SRGAP2: variants seen among roughly 807,000 people sequenced by gnomAD.
The protein encoded by SRGAP2 is SLIT-ROBO Rho GTPase activating protein 2.
Under a neutral mutation model 57.2 loss-of-function variants are expected in SRGAP2, and 15 were observed. The ratio of observed to expected loss-of-function variants is 0.26; its 90% confidence interval spans 0.18 to 0.40. The LOEUF (loss-of-function observed/expected upper bound fraction) is 0.40, where lower values mean the gene tolerates loss of function less well. SRGAP2 is among the 10% of genes least tolerant of loss of function. The pLI, the probability that SRGAP2 is intolerant of heterozygous loss-of-function variation, is 1.00. For synonymous variants in SRGAP2, 249 were observed against 248.0 expected, an observed-to-expected ratio of 1.00 and a Z score of -0.04; for missense variants, 520 against 669.6, an observed-to-expected ratio of 0.78 and a Z score of 2.47.
At chr1:206,372,939 CTTTCTTTCTTTCTTTCTTTTCTTTCCTTT>C (rs1654705389) in intron 4 of SRGAP2, among the ~76,000 whole-genome samples, 1 of 8,252 alleles carries the variant, frequency 1.2e-4, no homozygotes, top group African/African-American at 1.4e-3. Context: ...TTCTTTCTTT[CTTTCTTTCTTTCTTTCTTTTCTTTCCTTT>C]CTTTCTTTCT....
intron 3 of SRGAP2, among the ~76,000 whole-genome samples, chr1:206,309,464 C>CA (rs199561904): frequency 0.056 from 4,129 of 74,254 alleles, 94 homozygotes; most frequent in African/African-American, 0.12. Flanking sequence ...AAAGTAAGAG[C>CA]AAAAAAAAAA....
At chr1:206,383,236 G>A (rs1374655706) in intron 4 of SRGAP2, among the ~76,000 whole-genome samples, 1 of 149,832 alleles carries the variant, frequency 6.7e-6, no homozygotes, top group African/African-American at 2.5e-5. Context: ...TGTTGGCCAT[G>A]CTGGTCTCGA....
At chr1:206,287,273 T>G (rs1671077828) in intron 2 of SRGAP2, among the ~76,000 whole-genome samples, 1 of 151,424 alleles carries the variant, frequency 6.6e-6, no homozygotes, top group South Asian at 2.1e-4. Context: ...CATGTTAAGT[T>G]CTAGGTACCT....
At position 206,421,164 on chromosome 1, in the gene SRGAP2, G is replaced by A. The variant is rs1660268378; in HGVS notation, c.1470-86G>A. 1.6e-5 allele frequency: 11 copies of A among 700,748 alleles called. No individual in the cohort carries two copies. The Middle Eastern group carries it at 7.2e-4, about 46-fold the overall frequency. 43.4% of individuals were successfully genotyped at this position (700,748 alleles called of 1,614,324 possible). On this transcript the variant is annotated intron_variant, in intron 12 of 22. Coordinates refer to ENST00000573034, the MANE Select transcript of SRGAP2 (RefSeq NM_015326.5). ...AAACTTTACTTCTGGGTTTAAGAGT[G>A]ATTGTTTATCTCATTCGTCCCAATT...
chr1:206,227,247 A>T (rs1226638204), intron 2 of SRGAP2, among the ~76,000 whole-genome samples: 2 of 151,986 alleles, frequency 1.3e-5, no homozygotes, highest in Non-Finnish European at 2.9e-5. Flanking sequence ...TCTAGCATCT[A>T]GCAGAGTGCT....
intron 2 of SRGAP2, among the ~76,000 whole-genome samples, chr1:206,208,527 CTT>C (rs1553301751): frequency 6.6e-6 from 1 of 152,088 alleles, no homozygotes; most frequent in African/African-American, 2.4e-5. Flanking sequence ...TTATTGAGTG[CTT>C]GCTGTGTGTT....
chr1:206,258,105 G>A (rs530486688), intron 2 of SRGAP2, among the ~76,000 whole-genome samples: 169 of 151,934 alleles, frequency 1.1e-3, no homozygotes, highest in African/African-American at 4.0e-3. Context: ...TCTAAGCCAT[G>A]GGAAGGAATC....
In SRGAP2 at chr1:206,355,839, T is replaced by C. The variant is rs1676389729; in HGVS notation, c.423+12831T>C. On this transcript the variant is annotated intron_variant, in intron 4 of 22. Coordinates refer to ENST00000573034, the MANE Select transcript of SRGAP2 (RefSeq NM_015326.5). Reference sequence around the variant, plus strand: ...GAAATTAGCCAGGCATCGTGGTGTATTCCTGTAATCTCAGCTACTCAGGAG... The same window carrying C: ...GAAATTAGCCAGGCATCGTGGTGTACTCCTGTAATCTCAGCTACTCAGGAG... Among the ~76,000 whole-genome samples the C allele has an allele frequency of 1.3e-5, 2 of 152,088 alleles. 1 individual carries two copies. The highest frequency in any genetic ancestry group is 4.2e-4 in the South Asian group (2 of 4,816).
At chr1:206,268,382 C>T (rs1292108720) in intron 2 of SRGAP2, among the ~76,000 whole-genome samples, 14 of 149,614 alleles carry the variant, frequency 9.4e-5, no homozygotes, top group Admixed American at 6.7e-5. Context: ...ATGATGGTTT[C>T]ATCCATGTCC....
In SRGAP2 at chr1:206,454,849, T is replaced by TCCCTGCC. The variant is rs1553377760; in HGVS notation, c.2361-28_2361-22dup. On this transcript the variant is annotated intron_variant, in intron 20 of 22. Coordinates refer to ENST00000573034, the MANE Select transcript of SRGAP2 (RefSeq NM_015326.5). This position sits in a 1 kb window ranked among gnomAD's most constrained non-coding sequence, Gnocchi z 4.3. ...TTTGTGTTGTTGTTGTTTTCCCTCC[T>TCCCTGCC]CCCTGCCTGCCTGCCCCTTCTCCCC... The TCCCTGCC allele has an allele frequency of 1.4e-6, 1 of 728,906 alleles. No individual in the cohort carries two copies. The highest frequency in any genetic ancestry group is 1.5e-5 in the South Asian group (1 of 65,780). 45.2% of individuals were successfully genotyped at this position (728,906 alleles called of 1,614,324 possible).
intron 3 of SRGAP2, among the ~76,000 whole-genome samples, chr1:206,303,788 GTTATTATCCCCA>G (rs1672010254): frequency 6.6e-6 from 1 of 151,680 alleles, no homozygotes; most frequent in Non-Finnish European, 1.5e-5. Context: ...GATGGTTATT[GTTATTATCCCCA>G]ATTTATAGAT....
At chr1:206,256,316 G>A (rs145025152) in intron 2 of SRGAP2, among the ~76,000 whole-genome samples, 3,255 of 152,290 alleles carry the variant, frequency 0.021, 109 homozygotes, top group African/African-American at 0.074. Context: ...CAATTTGGGA[G>A]TCTGTATTCC....
intron 21 of SRGAP2, chr1:206,458,368 C>G: frequency 1.5e-6 from 1 of 663,784 alleles, no homozygotes; most frequent in Non-Finnish European, 2.8e-6. Flanking sequence ...TTTTTTCTGA[C>G]AGCAACTTAC....
chr1:206,204,909 C>CG (rs1665754656), intron 1 of SRGAP2: 1 of 129,060 alleles, frequency 7.7e-6, no homozygotes, highest in African/African-American at 3.5e-5. Flanking sequence ...GCAGATTTGC[C>CG]CCCCCCCCCA....
intron 2 of SRGAP2, among the ~76,000 whole-genome samples, chr1:206,209,874 G>A (rs1461268852): frequency 1.0e-5 from 1 of 96,184 alleles, no homozygotes; most frequent in Non-Finnish European, 1.9e-5. Context: ...CAGTGTAAAT[G>A]CTATGTAAAT....
chr1:206,363,746 A>G (rs1553341054), intron 4 of SRGAP2, among the ~76,000 whole-genome samples: 2 of 152,128 alleles, frequency 1.3e-5, no homozygotes, highest in East Asian at 1.9e-4. Context: ...AGTTTAAGCA[A>G]TTTTGGCAAG....
chr1:206,203,573 G>A lies in SRGAP2; in HGVS notation c.-620G>A, dbSNP rs1665522527. 1.7e-6 allele frequency: 1 copy of A among 577,430 alleles called. No individual in the cohort carries two copies. 35.8% of individuals were successfully genotyped at this position (577,430 alleles called of 1,614,324 possible). On this transcript the variant is annotated 5_prime_UTR_variant, in exon 1 of 23. It adds an upstream start codon to the 5' untranslated region. Coordinates refer to ENST00000573034, the MANE Select transcript of SRGAP2 (RefSeq NM_015326.5). ...GGGGCACCGATCTGCGTAGAAACGG[G>A]TGGCGGGGAAGAGAGGGGAGGAGAG...
chr1:206,278,736 A>G (rs1280355898), intron 2 of SRGAP2, among the ~76,000 whole-genome samples: 1 of 150,014 alleles, frequency 6.7e-6, no homozygotes, highest in African/African-American at 2.5e-5. Flanking sequence ...TTGTGCAAAA[A>G]TTTAAAGGAG....
intron 2 of SRGAP2, among the ~76,000 whole-genome samples, chr1:206,231,806 G>A (rs1478659877): frequency 2.6e-5 from 4 of 151,698 alleles, no homozygotes; most frequent in Non-Finnish European, 5.9e-5. Flanking sequence ...CCAAAGTGTT[G>A]GGAGTACAGA....
Sources: allele counts gnomAD v4.1 joint callset (sites outside exome capture counted in the v4.1 genomes callset), GRCh38; gene constraint gnomAD v4.1.1; non-coding constraint Gnocchi (gnomAD v3.1); transcripts MANE v1.5; gene names NCBI Gene and HGNC (gene_info 2026-07-23, HGNC 2026-07-21).